Variants in SHISA6 observed in about 807,000 individuals in gnomAD.
SHISA6 encodes the protein protein shisa-6.
In SHISA6, 22 loss-of-function variants were observed where a neutral mutation model predicts 47.9. That is an observed-to-expected ratio of 0.46 (90% CI 0.33 to 0.66). The LOEUF (loss-of-function observed/expected upper bound fraction) is 0.66, where lower values mean the gene tolerates loss of function less well. Among genes scored for constraint, SHISA6 ranks in the 30% least tolerant of loss-of-function variants. The probability of loss-of-function intolerance (pLI) is 0.02; values close to 1 mark genes in which losing one functional copy is unlikely to be tolerated. For synonymous variants in SHISA6, 388 were observed against 337.8 expected (o/e 1.15, Z -1.63); for missense variants, 680 against 764.6 (o/e 0.89, Z 1.30).
In SHISA6 at chr17:11,303,642, G is replaced by A. The variant is rs560204448; in HGVS notation, c.799+40116G>A. On this transcript the variant is annotated intron_variant, in intron 2 of 5. Coordinates refer to ENST00000441885, the MANE Select transcript of SHISA6 (RefSeq NM_207386.4). ...GCCACATGCAGAAGGCTGAGCCTGG[G>A]GAGCCATCTCCAGCATACAGAGGAC... 2.0e-5 allele frequency among the ~76,000 whole-genome samples: 3 copies of A among 152,280 alleles called. No homozygotes were observed. The East Asian group carries it at 5.8e-4, about 30-fold the overall frequency.
At chr17:11,282,118 A>G (rs1273106502) in intron 2 of SHISA6, among the ~76,000 whole-genome samples, 3 of 152,146 alleles carry the variant, frequency 2.0e-5, no homozygotes, top group Admixed American at 6.6e-5. Flanking sequence ...CTCACTCTCA[A>G]TGCCTTTCAT....
chr17:11,370,238 G>A (rs1436777578), intron 2 of SHISA6, among the ~76,000 whole-genome samples: 3 of 152,108 alleles, frequency 2.0e-5, no homozygotes, highest in Non-Finnish European at 2.9e-5. Flanking sequence ...TTCAAACACT[G>A]TATTTTTAGC....
intron 3 of SHISA6, among the ~76,000 whole-genome samples, chr17:11,505,770 A>C (rs1177164449): frequency 6.6e-6 from 1 of 152,250 alleles, no homozygotes; most frequent in Non-Finnish European, 1.5e-5. Flanking sequence ...AACAAAACTG[A>C]GTACCTTCTT....
At chr17:11,258,670 C>G (rs8077794) in intron 1 of SHISA6, among the ~76,000 whole-genome samples, 124,371 of 152,154 alleles carry the variant, frequency 0.82, 52,975 homozygotes, top group Non-Finnish European at 0.93. Context: ...GCCTTATGCA[C>G]AGCAGGGGTC....
chr17:11,361,922 G>T (rs1912301308), intron 2 of SHISA6, among the ~76,000 whole-genome samples: 1 of 151,948 alleles, frequency 6.6e-6, no homozygotes. Context: ...TCAGAGATGG[G>T]GTCAGCTCAC....
At chr17:11,353,552 G>A (rs1034258134) in intron 2 of SHISA6, among the ~76,000 whole-genome samples, 1 of 151,786 alleles carries the variant, frequency 6.6e-6, no homozygotes, top group East Asian at 1.9e-4. Flanking sequence ...TCAACCAACA[G>A]ATAAGGCAAA....
At chr17:11,253,025 CGAA>C (rs1465190792) in intron 1 of SHISA6, among the ~76,000 whole-genome samples, 44 of 152,196 alleles carry the variant, frequency 2.9e-4, no homozygotes, top group African/African-American at 9.2e-4. Context: ...CAAGCATTCG[CGAA>C]GAAGAATATA....
intron 1 of SHISA6, among the ~76,000 whole-genome samples, chr17:11,248,784 A>G (rs1298606462): frequency 6.6e-6 from 1 of 152,176 alleles, no homozygotes; most frequent in African/African-American, 2.4e-5. Flanking sequence ...TAACAGCACA[A>G]CCAAAGAGTT....
intron 3 of SHISA6, among the ~76,000 whole-genome samples, chr17:11,457,575 CAAA>C (rs56253032): frequency 0.049 from 6,756 of 137,286 alleles, 242 homozygotes; most frequent in Middle Eastern, 0.19. Flanking sequence ...ACTAAAAATG[CAAA>C]AAAAAAAAAA....
At chr17:11,450,330 A>T (rs115530762) in intron 3 of SHISA6, among the ~76,000 whole-genome samples, 1,523 of 152,208 alleles carry the variant, frequency 0.01, 26 homozygotes, top group African/African-American at 0.035. Flanking sequence ...ACTTCAACAT[A>T]TCTTCTTGGA....
At chr17:11,494,263 C>T (rs923313711) in intron 3 of SHISA6, among the ~76,000 whole-genome samples, 5 of 152,158 alleles carry the variant, frequency 3.3e-5, no homozygotes, top group Non-Finnish European at 5.9e-5. Context: ...CATCCCCTGC[C>T]TTAAAGACTC....
chr17:11,333,414 C>T (rs749377776), intron 2 of SHISA6, among the ~76,000 whole-genome samples: 20 of 152,224 alleles, frequency 1.3e-4, no homozygotes, highest in African/African-American at 4.1e-4. Context: ...CCACCCCCTG[C>T]AGCCTCCAGG....
At chr17:11,509,329 A>G (rs910178043) in intron 3 of SHISA6, among the ~76,000 whole-genome samples, 1 of 152,222 alleles carries the variant, frequency 6.6e-6, no homozygotes, top group Non-Finnish European at 1.5e-5. Context: ...TGCATAGTCA[A>G]CGACAGCATC....
intron 2 of SHISA6, among the ~76,000 whole-genome samples, chr17:11,286,704 T>C (rs1909312013): frequency 6.6e-6 from 1 of 152,210 alleles, no homozygotes; most frequent in South Asian, 2.1e-4. Context: ...GAAGGTTCTT[T>C]TATTGGGTGA....
chr17:11,287,950 A>G (rs1032535630), intron 2 of SHISA6, among the ~76,000 whole-genome samples: 1 of 152,178 alleles, frequency 6.6e-6, no homozygotes, highest in Non-Finnish European at 1.5e-5. Flanking sequence ...ATGTATAATG[A>G]ATCTCCATGC....
chr17:11,257,126 G>C (rs147892486), intron 1 of SHISA6, among the ~76,000 whole-genome samples: 1 of 152,200 alleles, frequency 6.6e-6, no homozygotes, highest in Non-Finnish European at 1.5e-5. Context: ...CTCTGTATGA[G>C]GAGAGCAGTC....
chr17:11,270,430 CT>C (rs144608981), intron 2 of SHISA6, among the ~76,000 whole-genome samples: 5,000 of 152,280 alleles, frequency 0.033, 259 homozygotes, highest in African/African-American at 0.11. Flanking sequence ...GTAGAAAGAG[CT>C]TGTAGGTTTC....
At chr17:11,540,429 G>A (rs955466545) in intron 3 of SHISA6, among the ~76,000 whole-genome samples, 1 of 152,076 alleles carries the variant, frequency 6.6e-6, no homozygotes, top group African/African-American at 2.4e-5. Flanking sequence ...AAGATCAGAG[G>A]ACCCTGTGTA....
rs1907331389 is a variant in SHISA6, at chr17:11,241,581, G to T, written c.159G>T (p.Arg53=). Residue 53 remains arginine (R), a synonymous_variant, in exon 1 of 6, where the codon CGG becomes CGT. Transcript: ENST00000441885. This position sits in a 1 kb window ranked among gnomAD's most constrained non-coding sequence, Gnocchi z 5.5. ...GGRRAGGALA[R]GGRELNGTAR... ...GGAGGGCCGGGGGCGCCCTGGCACG[G>T]GGCGGCCGCGAGCTGAACGGCACCG... 1.8e-6 allele frequency: 2 copies of T among 1,140,130 alleles called. No individual in the cohort carries two copies. Among genetic ancestry groups the T allele is most frequent in the Non-Finnish European group, 2.1e-6 (2 of 932,112 alleles). The allele number at this position is 1,140,130 out of a possible 1,614,324, so 70.6% of individuals were successfully genotyped here.
Sources: gnomAD v4.1 joint callset for allele counts (sites outside exome capture counted in the v4.1 genomes callset) on GRCh38, gnomAD v4.1.1 for gene constraint, Gnocchi (gnomAD v3.1) non-coding constraint, MANE v1.5 for transcripts, NCBI Gene and HGNC (gene_info 2026-07-23, HGNC 2026-07-21) for gene names.